NME7: variants seen among roughly 807,000 people sequenced by gnomAD.
NME7 encodes NME/NM23 family member 7.
In NME7, 41 loss-of-function variants were observed where a neutral mutation model predicts 49.1. The ratio of observed to expected loss-of-function variants is 0.83; its 90% CI spans 0.65 to 1.08. The LOEUF (loss-of-function observed/expected upper bound fraction) is 1.08, where lower values mean the gene tolerates loss of function less well. Among genes scored for constraint, NME7 ranks in the 50% least tolerant of loss-of-function variants. The probability of loss-of-function intolerance (pLI) is 0.00; values close to 1 mark genes in which losing one functional copy is unlikely to be tolerated. For synonymous variants in NME7, 139 were observed against 150.6 expected, an observed-to-expected ratio of 0.92 and a Z score of 0.56; for missense variants, 423 against 463.4, an observed-to-expected ratio of 0.91 and a Z score of 0.80.
chr1:169,347,626 T>C (rs951965870), intron 1 of NME7, among the ~76,000 whole-genome samples: 1 of 152,182 alleles, frequency 6.6e-6, no homozygotes, highest in African/African-American at 2.4e-5. Context: ...TCTCGTATTC[T>C]TTTTTCTTTC....
At chr1:169,260,051 T>C (rs1319465234) in intron 7 of NME7, among the ~76,000 whole-genome samples, 4 of 133,796 alleles carry the variant, frequency 3.0e-5, no homozygotes, top group African/African-American at 1.0e-4. Flanking sequence ...TTTGCACACA[T>C]AGAAGTCACA....
At chr1:169,221,278 T>A (rs1005030866) in intron 10 of NME7, among the ~76,000 whole-genome samples, 1 of 152,224 alleles carries the variant, frequency 6.6e-6, no homozygotes, top group South Asian at 2.1e-4. Flanking sequence ...CTAGTAACAA[T>A]GATTCTTTTA....
rs1557822105 is a variant in NME7, at chr1:169,324,463, T to TA, written c.40dup (p.Tyr14LeufsTer2). On this transcript the variant is annotated frameshift_variant, in exon 2 of 12. Coordinates refer to ENST00000367811, the MANE Select transcript of NME7 (RefSeq NM_013330.5). LOFTEE classifies it high-confidence loss of function. The stretch of plus-strand genomic sequence containing the variant: ...TCGAAGAAGTGAAGCATTTGGATCA[T>TA]ACCACTCTGCAATGAAAACGAATCT... The TA allele has an allele frequency of 1.9e-6, 3 of 1,612,964 alleles. No individual in the cohort carries two copies. The highest frequency in any genetic ancestry group is 2.5e-6 in the Non-Finnish European group (3 of 1,179,268).
chr1:169,181,724 T>C (rs1470362081), intron 10 of NME7, among the ~76,000 whole-genome samples: 1 of 152,206 alleles, frequency 6.6e-6, no homozygotes, highest in African/African-American at 2.4e-5. Context: ...CTCACAACAC[T>C]ATCTAAACCG....
chr1:169,175,510 A>T (rs1206849930), intron 10 of NME7, among the ~76,000 whole-genome samples: 1 of 152,210 alleles, frequency 6.6e-6, no homozygotes, highest in East Asian at 1.9e-4. Flanking sequence ...GTGGCAGCAC[A>T]GTAGGTTTAT....
intron 1 of NME7, among the ~76,000 whole-genome samples, chr1:169,334,177 A>C (rs1409130822): frequency 9.2e-5 from 14 of 152,200 alleles, no homozygotes; most frequent in Non-Finnish European, 4.4e-5. Context: ...TTTCAAGCCA[A>C]GTATCTGCTT....
At chr1:169,291,665 AT>A (rs1650509133) in intron 6 of NME7, among the ~76,000 whole-genome samples, 2 of 151,816 alleles carry the variant, frequency 1.3e-5, no homozygotes, top group Non-Finnish European at 1.5e-5. Context: ...AATAATAATA[AT>A]AATAAAAAGA....
intron 10 of NME7, among the ~76,000 whole-genome samples, chr1:169,207,073 A>G (rs1477109386): frequency 6.6e-6 from 1 of 152,142 alleles, no homozygotes; most frequent in African/African-American, 2.4e-5. Flanking sequence ...ATGGTTCTGC[A>G]GGCTATACCA....
chr1:169,352,810 T>C (rs1037948258), intron 1 of NME7, among the ~76,000 whole-genome samples: 2 of 151,988 alleles, frequency 1.3e-5, no homozygotes, highest in Admixed American at 1.3e-4. Context: ...CTATTTACAA[T>C]AGTCATGAAC....
chr1:169,365,117 T>C (rs539233759), intron 1 of NME7, among the ~76,000 whole-genome samples: 1 of 152,234 alleles, frequency 6.6e-6, no homozygotes, highest in South Asian at 2.1e-4. Flanking sequence ...CTGACTCTAC[T>C]AGTCCTATGA....
chr1:169,243,828 C>A (rs749613781), intron 7 of NME7, among the ~76,000 whole-genome samples: 56 of 151,998 alleles, frequency 3.7e-4, no homozygotes, highest in Non-Finnish European at 7.1e-4. Context: ...TAAGATAATG[C>A]CTATGAGGAA....
intron 7 of NME7, among the ~76,000 whole-genome samples, chr1:169,251,740 G>A (rs1175166935): frequency 3.2e-5 from 4 of 126,394 alleles, no homozygotes; most frequent in Non-Finnish European, 6.3e-5. Flanking sequence ...TCCCCAGAGT[G>A]TGATATTCCC....
intron 7 of NME7, among the ~76,000 whole-genome samples, chr1:169,275,378 C>G (rs1649664145): frequency 8.2e-6 from 1 of 121,262 alleles, no homozygotes; most frequent in South Asian, 2.6e-4. Flanking sequence ...ACACAGGAGG[C>G]TGAGGCAGGA....
intron 3 of NME7, among the ~76,000 whole-genome samples, chr1:169,321,452 A>G (rs929933494): frequency 2.0e-5 from 3 of 152,274 alleles, no homozygotes; most frequent in Non-Finnish European, 4.4e-5. Context: ...TATGTGCTCC[A>G]TAAATGAATG....
intron 3 of NME7, among the ~76,000 whole-genome samples, chr1:169,312,807 T>C (rs1185547705): frequency 6.6e-6 from 1 of 152,180 alleles, no homozygotes; most frequent in East Asian, 1.9e-4. Flanking sequence ...TCTTAGATAG[T>C]GCAGTGCTAT....
At chr1:169,303,263 TTAA>T (rs759153856) in intron 4 of NME7, 68 bp from the exon 5 acceptor site, 22 of 690,064 alleles carry the variant, frequency 3.2e-5, no homozygotes, top group Admixed American at 2.9e-4. Flanking sequence ...TTAGCTTACA[TTAA>T]TAAAATTAAG....
intron 1 of NME7, among the ~76,000 whole-genome samples, chr1:169,327,385 T>A (rs1292610173): frequency 1.3e-5 from 2 of 152,244 alleles, no homozygotes; most frequent in Non-Finnish European, 2.9e-5. Flanking sequence ...ATATAAGTTA[T>A]ACATAATAAA....
intron 1 of NME7, among the ~76,000 whole-genome samples, chr1:169,356,684 G>GA (rs1308379966): frequency 6.6e-6 from 1 of 152,084 alleles, no homozygotes; most frequent in East Asian, 1.9e-4. Flanking sequence ...ATGTTTAAAA[G>GA]AAAGTGGGGT....
Position 169,324,496 on chromosome 1 carries a change from T to A in NME7, c.8A>T (p.His3Leu). Reference protein sequence around the residue: MNHSERFVFIAEW... With the variant: MNLSERFVFIAEW... ...TGCAATGAAAACGAATCTTTCACTA[T>A]GATTCTGCAAAGAAAGACAGAAGAA... Residue 3 changes from histidine to leucine, a missense_variant, in exon 2 of 12, where the codon CAT (histidine) becomes CTT (leucine). By Grantham distance (99) the His-to-Leu change is moderately conservative (BLOSUM62 -3). Coordinates refer to ENST00000367811, the MANE Select transcript of NME7 (RefSeq NM_013330.5). The A allele has an allele frequency of 2.5e-6, 4 of 1,591,262 alleles. No homozygotes were observed. The highest frequency in any genetic ancestry group is 3.4e-6 in the Non-Finnish European group (4 of 1,159,688).
Sources: gnomAD v4.1 joint callset for allele counts (sites outside exome capture counted in the v4.1 genomes callset) on GRCh38, gnomAD v4.1.1 for gene constraint, MANE v1.5 for transcripts, NCBI Gene and HGNC (gene_info 2026-07-23, HGNC 2026-07-21) for gene names.